CCDC178: variants seen among roughly 807,000 people sequenced by gnomAD.
The protein encoded by CCDC178 is coiled-coil domain-containing protein 178.
In CCDC178, 126 loss-of-function variants were observed where a neutral mutation model predicts 117.4. The ratio of observed to expected loss-of-function variants is 1.07; its 90% CI spans 0.93 to 1.24. The LOEUF is 1.24. Ranked by LOEUF, CCDC178 falls within the 50% of genes most tolerant of loss-of-function variation. The probability of loss-of-function intolerance (pLI) is 0.00; values close to 1 mark genes in which losing one functional copy is unlikely to be tolerated. For missense variants in CCDC178, 1,030 were observed against 986.9 expected (o/e 1.04, Z -0.59); for synonymous variants, 283 against 313.4 (o/e 0.90, Z 1.02).
chr18:32,947,878 A>G (rs534299039), intron 22 of CCDC178, among the ~76,000 whole-genome samples: 1 of 152,210 alleles, frequency 6.6e-6, no homozygotes, highest in East Asian at 1.9e-4. Flanking sequence ...ATTTTTGCAT[A>G]TTGTCCAAGG....
At chr18:33,083,583 A>C (rs529284007) in intron 21 of CCDC178, among the ~76,000 whole-genome samples, 1 of 152,104 alleles carries the variant, frequency 6.6e-6, no homozygotes, top group South Asian at 2.1e-4. Context: ...TCTCCCTTTT[A>C]TTTATCAACT....
intron 11 of CCDC178, among the ~76,000 whole-genome samples, chr18:33,302,662 G>A (rs983804271): frequency 5.9e-5 from 9 of 152,270 alleles, no homozygotes; most frequent in African/African-American, 7.2e-5. Flanking sequence ...TATACACGAC[G>A]TAATACTATT....
At chr18:33,212,185 A>G (rs2059116455) in intron 19 of CCDC178, 130 bp from the exon 20 acceptor site, 2 of 614,120 alleles carry the variant, frequency 3.3e-6, no homozygotes, top group Non-Finnish European at 5.3e-6. Context: ...CCTTGGAAAA[A>G]TTCCCTGGTT....
rs919642241 is a variant in CCDC178 at position 33,242,772 on chromosome 18, T to C, written c.1593+2473A>G. On this transcript the variant is annotated intron_variant, in intron 15 of 22. Coordinates refer to ENST00000383096, the MANE Select transcript of CCDC178 (RefSeq NM_001105528.4). ...GAAAAAATAACAAATGCTGGTGAGA[T>C]GTGGAAAAAAGAGAATTCATATACT... is the stretch of plus-strand genomic sequence containing the variant. 4.6e-5 allele frequency among the ~76,000 whole-genome samples: 7 copies of C among 151,914 alleles called. No homozygotes were observed. In the East Asian group the frequency reaches 9.7e-4, roughly 21 times the overall value.
intron 21 of CCDC178, among the ~76,000 whole-genome samples, chr18:33,014,736 T>C (rs2055944579): frequency 6.6e-6 from 1 of 152,130 alleles, no homozygotes; most frequent in Non-Finnish European, 1.5e-5. Context: ...ACTAGTCTGT[T>C]TGGGGAGAAG....
chr18:32,937,702 C>A lies in CCDC178; in HGVS notation c.*309G>T. The stretch of plus-strand genomic sequence containing the variant: ...GGAAGCGAACAGTCACTGTCAACAC[C>A]GCCAGTAATTATTCTCTCTTCCAAT... On this transcript the variant is annotated 3_prime_UTR_variant, in exon 23 of 23. Transcript: ENST00000383096. 3.3e-6 allele frequency: 1 copy of A among 303,338 alleles called. No homozygotes were observed. Among genetic ancestry groups the A allele is most frequent in the Non-Finnish European group, 6.2e-6 (1 of 161,882 alleles). The allele number at this position is 303,338 out of a possible 1,614,324, so 18.8% of individuals were successfully genotyped here. A position where few individuals can be genotyped will look rare whatever the true frequency, so the allele number is the denominator to read the frequency against.
At chr18:32,967,347 A>G (rs2054835866) in intron 22 of CCDC178, among the ~76,000 whole-genome samples, 1 of 151,210 alleles carries the variant, frequency 6.6e-6, no homozygotes, top group African/African-American at 2.4e-5. Flanking sequence ...TACTTTATAT[A>G]TTATAAAGTT....
chr18:32,956,569 T>A (rs1252313474), intron 22 of CCDC178: 1 of 152,198 alleles, frequency 6.6e-6, no homozygotes, highest in Non-Finnish European at 1.5e-5. Context: ...CCTTGGGAAA[T>A]CACTTACACT....
chr18:33,086,393 C>CAT (rs2057377972), intron 21 of CCDC178, among the ~76,000 whole-genome samples: 1 of 149,732 alleles, frequency 6.7e-6, no homozygotes, highest in South Asian at 2.1e-4. Context: ...TACATATATA[C>CAT]ATGTATGTAT....
intron 5 of CCDC178, among the ~76,000 whole-genome samples, chr18:33,383,037 C>G (rs915722669): frequency 3.9e-5 from 6 of 152,130 alleles, no homozygotes; most frequent in African/African-American, 1.4e-4. Context: ...ATTTCTGTGG[C>G]TTTAGTAGGC....
intron 9 of CCDC178, among the ~76,000 whole-genome samples, chr18:33,334,394 G>A (rs2062712172): frequency 2.0e-5 from 3 of 151,826 alleles, no homozygotes; most frequent in Non-Finnish European, 4.4e-5. Context: ...TTTAAGCACA[G>A]GGATTTCCTT....
chr18:33,393,136 A>T (rs2063584138), intron 4 of CCDC178, among the ~76,000 whole-genome samples: 1 of 152,152 alleles, frequency 6.6e-6, no homozygotes, highest in South Asian at 2.1e-4. Context: ...GTAGGCAACC[A>T]ATGTTACAAT....
chr18:33,215,046 G>A (rs1216465675), intron 19 of CCDC178, among the ~76,000 whole-genome samples: 1 of 151,834 alleles, frequency 6.6e-6, no homozygotes, highest in Non-Finnish European at 1.5e-5. Flanking sequence ...CTGAGAGCAT[G>A]ATCATTCTCT....
At chr18:33,236,844 C>T (rs1337077405) in intron 15 of CCDC178, among the ~76,000 whole-genome samples, 2 of 152,002 alleles carry the variant, frequency 1.3e-5, no homozygotes, top group South Asian at 2.1e-4. Context: ...CAGATGGGCC[C>T]AAAACTAGGG....
chr18:33,124,016 C>A lies in CCDC178; in HGVS notation c.2239-31106G>T, dbSNP rs1405621228. ...CACTAAACTGATGAGTTTAACCCAG[C>A]AGAAAGAGCGGCTGTAAACATGACA... On this transcript the variant is annotated intron_variant, in intron 20 of 22. Transcript: ENST00000383096. Among the ~76,000 whole-genome samples, 3 of 152,098 alleles carry A rather than the reference C, an allele frequency of 2.0e-5. No individual in the cohort carries two copies. The South Asian group carries it at 6.2e-4, about 32-fold the overall frequency.
chr18:32,960,167 T>G (rs372350544), intron 22 of CCDC178, among the ~76,000 whole-genome samples: 1 of 152,124 alleles, frequency 6.6e-6, no homozygotes, highest in East Asian at 1.9e-4. Context: ...ATATGAATTG[T>G]GTTTATCTTT....
chr18:33,197,462 G>C lies in CCDC178; in HGVS notation c.2238+14434C>G, dbSNP rs556535818. Among the ~76,000 whole-genome samples, 25 of 152,164 alleles carry C rather than the reference G, an allele frequency of 1.6e-4. No individual in the cohort carries two copies. In the South Asian group the frequency reaches 5.2e-3, roughly 32 times the overall value. ...ATATTTGTGTGTAGTGGGGTAGTGGGGGTTAGTAGAAGGGGGACCCATTAT... is the reference window on the plus strand; with the variant it reads ...ATATTTGTGTGTAGTGGGGTAGTGGCGGTTAGTAGAAGGGGGACCCATTAT... On this transcript the variant is annotated intron_variant, in intron 20 of 22. Transcript: ENST00000383096.
At chr18:33,100,443 A>G (rs1379454940) in intron 20 of CCDC178, among the ~76,000 whole-genome samples, 1 of 151,992 alleles carries the variant, frequency 6.6e-6, no homozygotes, top group African/African-American at 2.4e-5. Flanking sequence ...GCTTGCAATC[A>G]GATAAGGGAA....
At chr18:33,206,618 CT>C (rs2059047614) in intron 20 of CCDC178, among the ~76,000 whole-genome samples, 2 of 151,922 alleles carry the variant, frequency 1.3e-5, no homozygotes, top group Non-Finnish European at 2.9e-5. Context: ...AAAAATATAG[CT>C]TTTCAACATT....
Sources: gnomAD v4.1 joint callset for allele counts (sites outside exome capture counted in the v4.1 genomes callset) on GRCh38, gnomAD v4.1.1 for gene constraint, MANE v1.5 for transcripts, NCBI Gene and HGNC (gene_info 2026-07-23, HGNC 2026-07-21) for gene names.